Variants in MTERF1 observed in about 807,000 individuals in gnomAD.
The protein encoded by MTERF1 is transcription termination factor 1, mitochondrial.
In MTERF1, 29 loss-of-function variants were observed where a neutral mutation model predicts 31.6. The observed-to-expected ratio is 0.92, with a 90% CI of 0.68 to 1.25. MTERF1 has a LOEUF of 1.25. Among genes scored for constraint, MTERF1 ranks in the 50% most tolerant of loss-of-function variants. The pLI, the probability that MTERF1 is intolerant of heterozygous loss-of-function variation, is 0.00. For synonymous variants in MTERF1, 152 were observed against 164.1 expected (o/e 0.93, Z 0.57); for missense variants, 500 against 469.1 (o/e 1.07, Z -0.61).
rs1450924692 is a variant in MTERF1, at chr7:91,871,644, A to G, written c.*1950T>C. On this transcript the variant is annotated 3_prime_UTR_variant, in exon 3 of 3. Transcript: ENST00000351870. The stretch of plus-strand genomic sequence containing the variant: ...CATTTATATGAAATGCTCAGAATAA[A>G]CAAATTTATAGACACAGAAAACAGA... The G allele has an allele frequency of 6.6e-6, 1 of 152,250 alleles. No homozygotes were observed. Among genetic ancestry groups the G allele is most frequent in the East Asian group, 1.9e-4 (1 of 5,208 alleles). The allele number at this position is 152,250 out of a possible 1,614,324, so 9.4% of individuals were successfully genotyped here.
rs200478408 is a variant in MTERF1 at position 91,874,525 on chromosome 7, C to T, written c.269G>A (p.Arg90Lys). ...ATGAAAAACTCCAGGCTGTCGTTTC[C>T]TTGCCATGTCAATATCTACTCCCAT... ...LTMGVDIDMA[R>K]KRQPGVFHRM... The change falls in exon 3 of 3, where the codon AGG becomes AAG. Residue 90 changes from arginine (R) to lysine (K), a missense_variant. Physicochemically the swap from Arg to Lys is conservative, Grantham distance 26. Coordinates refer to ENST00000351870, the MANE Select transcript of MTERF1 (RefSeq NM_006980.5). 1.2e-4 allele frequency: 201 copies of T among 1,614,118 alleles called. No individual in the cohort carries two copies. Among genetic ancestry groups the T allele is most frequent in the Admixed American group, 3.5e-4 (21 of 60,030 alleles).
chr7:91,875,260 T>C (rs895975588), intron 2 of MTERF1, among the ~76,000 whole-genome samples: 1 of 151,994 alleles, frequency 6.6e-6, no homozygotes, highest in Non-Finnish European at 1.5e-5. Flanking sequence ...TCCAAACTTT[T>C]TTTTTTTGAC....
In MTERF1 at chr7:91,872,092, C is replaced by G. The variant is rs972594136; in HGVS notation, c.*1502G>C. ...CTCTCACCAGATGTGGCCCCTCAAC[C>G]TAGGATTTCTCAGCTTCCATAACTG... On this transcript the variant is annotated 3_prime_UTR_variant, in exon 3 of 3. Coordinates refer to ENST00000351870, the MANE Select transcript of MTERF1 (RefSeq NM_006980.5). The G allele has an allele frequency of 6.6e-6, 1 of 152,202 alleles. No homozygotes were observed. Among genetic ancestry groups the G allele is most frequent in the Non-Finnish European group, 1.5e-5 (1 of 68,060 alleles). The allele number at this position is 152,202 out of a possible 1,614,324, so 9.4% of individuals were successfully genotyped here.
At chr7:91,877,873 ATCTACT>A (rs1322259173) in intron 2 of MTERF1, among the ~76,000 whole-genome samples, 4 of 152,150 alleles carry the variant, frequency 2.6e-5, no homozygotes, top group African/African-American at 4.8e-5. Flanking sequence ...CTACCTTACC[ATCTACT>A]TCTAACTACC....
rs114901378 is a variant in MTERF1, at chr7:91,877,013, G to A, written c.30-2249C>T. 1.3e-3 allele frequency: 984 copies of A among 787,152 alleles called. 11 individuals carry two copies. The African/African-American group carries it at 0.016, about 13-fold the overall frequency. The allele number at this position is 787,152 out of a possible 1,614,324, so 48.8% of individuals were successfully genotyped here. A position where few individuals can be genotyped will look rare whatever the true frequency, so the allele number is the denominator to read the frequency against. On this transcript the variant is annotated intron_variant, in intron 2 of 2. Transcript: ENST00000351870. The stretch of plus-strand genomic sequence containing the variant: ...TCCAAGATGATACAATGGGATGGAG[G>A]AAGAAAATAGTTAAAACTACAATTT...
At chr7:91,875,989 C>T (rs1411525981) in intron 2 of MTERF1, among the ~76,000 whole-genome samples, 1 of 152,152 alleles carries the variant, frequency 6.6e-6, no homozygotes, top group Non-Finnish European at 1.5e-5. Context: ...AAAACGTTAC[C>T]TTTACCATTC....
In MTERF1 at chr7:91,873,488, A is replaced by T. The variant is rs1789235125; in HGVS notation, c.*106T>A. The T allele has an allele frequency of 2.1e-6, 2 of 971,104 alleles. No individual in the cohort carries two copies. Among genetic ancestry groups the T allele is most frequent in the South Asian group, 1.8e-5 (1 of 55,326 alleles). 60.2% of individuals were successfully genotyped at this position (971,104 alleles called of 1,614,324 possible). ...CAAAGTAATTCAGGATAATCTCCCC[A>T]TCTCAAGGCCCTTAATAACATTTTA... On this transcript the variant is annotated 3_prime_UTR_variant, in exon 3 of 3. Transcript: ENST00000351870.
chr7:91,873,701 C>T lies in MTERF1; in HGVS notation c.1093G>A (p.Glu365Lys), dbSNP rs1789243938. 6 of 1,614,096 alleles carry T rather than the reference C, an allele frequency of 3.7e-6. No individual in the cohort carries two copies. Among genetic ancestry groups the T allele is most frequent in the Non-Finnish European group, 5.1e-6 (6 of 1,179,998 alleles). Residue 365 changes from glutamate (E) to lysine (K), a missense_variant, in exon 3 of 3, where the codon GAA becomes AAA. Transcript: ENST00000351870. Reference protein sequence around the residue: ...SISTLKSRIKELVNAGCNLST... With the variant: ...SISTLKSRIKKLVNAGCNLST... Reference sequence around the variant, plus strand: ...AAGTTACAGCCAGCATTTACCAATTCTTTGATTCGACTTTTTAAAGTACTT... The same window carrying T: ...AAGTTACAGCCAGCATTTACCAATTTTTTGATTCGACTTTTTAAAGTACTT...
chr7:91,875,577 C>T (rs1013871949), intron 2 of MTERF1, among the ~76,000 whole-genome samples: 1 of 152,042 alleles, frequency 6.6e-6, no homozygotes, highest in Non-Finnish European at 1.5e-5. Context: ...TATAATGACA[C>T]TTTCATTTCT....
At chr7:91,879,808 G>A (rs976406967) in intron 2 of MTERF1, among the ~76,000 whole-genome samples, 44 of 152,046 alleles carry the variant, frequency 2.9e-4, no homozygotes, top group African/African-American at 9.9e-4. Context: ...TTCTCAAATT[G>A]ACTTTTTAAT....
At chr7:91,874,886 C>G (rs1789304927) in intron 2 of MTERF1, 122 bp from the exon 3 acceptor site, 5 of 637,890 alleles carry the variant, frequency 7.8e-6, no homozygotes, top group South Asian at 7.3e-5. Flanking sequence ...CTCCAGCTCT[C>G]CAGAACTGTG....
At chr7:91,875,171 GCT>G (rs1310047958) in intron 2 of MTERF1, among the ~76,000 whole-genome samples, 2 of 152,060 alleles carry the variant, frequency 1.3e-5, no homozygotes, top group Non-Finnish European at 2.9e-5. Flanking sequence ...CTTTTTTCTT[GCT>G]CTTTTTGTTT....
chr7:91,873,490 C>A lies in MTERF1; in HGVS notation c.*104G>T. 1.0e-6 allele frequency: 1 copy of A among 989,526 alleles called. No individual in the cohort carries two copies. Among genetic ancestry groups the A allele is most frequent in the Non-Finnish European group, 1.5e-6 (1 of 688,680 alleles). The allele number at this position is 989,526 out of a possible 1,614,324, so 61.3% of individuals were successfully genotyped here. A position where few individuals can be genotyped will look rare whatever the true frequency, so the allele number is the denominator to read the frequency against. On this transcript the variant is annotated 3_prime_UTR_variant, in exon 3 of 3. Transcript: ENST00000351870. ...AAGTAATTCAGGATAATCTCCCCAT[C>A]TCAAGGCCCTTAATAACATTTTAAA...
In MTERF1 at chr7:91,874,431, G is replaced by C. The variant is rs372379670; in HGVS notation, c.363C>G (p.Ile121Met). The change falls in exon 3 of 3, where the codon ATC (isoleucine) becomes ATG (methionine). Residue 121 changes from isoleucine (I) to methionine (M), a missense_variant. Physicochemically the swap from Ile to Met is conservative, Grantham distance 10. Transcript: ENST00000351870. ...LLSKGASKEV[I>M]ASIISRYPRA... ...GTGGATATCTTGATATGATGCTAGC[G>C]ATCACTTCTTTGCTAGCTCCTTTGG... 1 of 1,613,956 alleles carries C rather than the reference G, an allele frequency of 6.2e-7. No individual in the cohort carries two copies. Among genetic ancestry groups the C allele is most frequent in the African/African-American group, 1.3e-5 (1 of 75,022 alleles).
intron 2 of MTERF1, among the ~76,000 whole-genome samples, chr7:91,875,280 C>T (rs1387944722): frequency 6.6e-6 from 1 of 151,924 alleles, no homozygotes; most frequent in Non-Finnish European, 1.5e-5. Context: ...CACAGGGTCT[C>T]ACTCTGTCAC....
In MTERF1 at chr7:91,873,418, T is replaced by G; in HGVS notation, c.*176A>C. On this transcript the variant is annotated 3_prime_UTR_variant, in exon 3 of 3. Coordinates refer to ENST00000351870, the MANE Select transcript of MTERF1 (RefSeq NM_006980.5). Reference sequence around the variant, plus strand: ...GATCACTCTGACCTCCTCTTTTGCCTCCCTCTTCAACTTTTAAAGATCCCT... The same window carrying G: ...GATCACTCTGACCTCCTCTTTTGCCGCCCTCTTCAACTTTTAAAGATCCCT... The G allele has an allele frequency of 1.7e-6, 1 of 602,710 alleles. No homozygotes were observed. Among genetic ancestry groups the G allele is most frequent in the Non-Finnish European group, 2.8e-6 (1 of 356,210 alleles). 37.3% of individuals were successfully genotyped at this position (602,710 alleles called of 1,614,324 possible).
chr7:91,879,159 GAAGAAAAAGAAAGA>G (rs1789430953), intron 2 of MTERF1, among the ~76,000 whole-genome samples: 1 of 151,318 alleles, frequency 6.6e-6, no homozygotes, highest in Non-Finnish European at 1.5e-5. Flanking sequence ...AAAGAAAATA[GAAGAAAAAGAAAGA>G]AAGAAAAAGG....
Position 91,880,056 on chromosome 7 carries a change from T to G in MTERF1, c.28A>C (p.Ser10Arg). The G allele has an allele frequency of 1.2e-6, 2 of 1,614,086 alleles. No homozygotes were observed. Among genetic ancestry groups the G allele is most frequent in the Non-Finnish European group, 1.7e-6 (2 of 1,180,010 alleles). The change falls in exon 2 of 3, where the codon AGC (serine) becomes CGC (arginine). Residue 10 changes from serine to arginine, a missense_variant and splice_region_variant. Physicochemically the swap from Ser to Arg is moderately radical, Grantham distance 110. Coordinates refer to ENST00000351870, the MANE Select transcript of MTERF1 (RefSeq NM_006980.5). MQSLSLGQT[S>R]ISKGLNYLTI... Reference sequence around the variant, plus strand: ...GAGATCTTTACATGCATTTCTCACCTTGTTTGTCCTAAGGAAAGGCTCTGC... The same window carrying G: ...GAGATCTTTACATGCATTTCTCACCGTGTTTGTCCTAAGGAAAGGCTCTGC...
chr7:91,879,368 A>C (rs1053491711), intron 2 of MTERF1, among the ~76,000 whole-genome samples: 1 of 152,134 alleles, frequency 6.6e-6, no homozygotes, highest in Non-Finnish European at 1.5e-5. Context: ...CAGTATGGAT[A>C]ATGCCATGTA....
Sources: gnomAD v4.1 joint callset for allele counts (sites outside exome capture counted in the v4.1 genomes callset) on GRCh38, gnomAD v4.1.1 for gene constraint, MANE v1.5 for transcripts, NCBI Gene and HGNC (gene_info 2026-07-23, HGNC 2026-07-21) for gene names.